The following XKR4 variants were observed in gnomAD, a reference collection of about 807,000 sequenced individuals.
The protein encoded by XKR4 is XK related 4.
XKR4 carries 12 observed loss-of-function variants against 53.9 expected under a neutral mutation model. The ratio of observed to expected loss-of-function variants is 0.22; its 90% confidence interval spans 0.14 to 0.36. XKR4 has a LOEUF of 0.36. XKR4 is among the 10% of genes least tolerant of loss of function. XKR4 has a pLI of 1.00. For synonymous variants in XKR4, 354 were observed against 362.4 expected (o/e 0.98, Z 0.26); for missense variants, 799 against 859.5 (o/e 0.93, Z 0.88).
At chr8:55,245,531 T>A (rs1563491956) in intron 1 of XKR4, among the ~76,000 whole-genome samples, 1 of 152,246 alleles carries the variant, frequency 6.6e-6, no homozygotes, top group Non-Finnish European at 1.5e-5. Context: ...TTTAGCTCAC[T>A]GATTGCATCG....
intron 1 of XKR4, among the ~76,000 whole-genome samples, chr8:55,149,026 G>A (rs551209315): frequency 6.6e-6 from 1 of 152,292 alleles, no homozygotes; most frequent in East Asian, 1.9e-4. Flanking sequence ...TGCTGCTCAG[G>A]AAACACATTT....
chr8:55,368,460 T>A (rs915784566), intron 2 of XKR4, among the ~76,000 whole-genome samples: 1 of 152,182 alleles, frequency 6.6e-6, no homozygotes, highest in African/African-American at 2.4e-5. Context: ...CCCTGGCTGC[T>A]GCCCCATCAA....
At chr8:55,480,368 C>G (rs1470846218) in intron 2 of XKR4, among the ~76,000 whole-genome samples, 1 of 152,192 alleles carries the variant, frequency 6.6e-6, no homozygotes, top group African/African-American at 2.4e-5. Context: ...ATGCTAAAAA[C>G]TCTCAATTAA....
At chr8:55,409,006 CAA>C (rs36030680) in intron 2 of XKR4, among the ~76,000 whole-genome samples, 32 of 65,698 alleles carry the variant, frequency 4.9e-4, no homozygotes, top group African/African-American at 1.0e-3. Flanking sequence ...GACTCCGTCT[CAA>C]AAAAAAAAAA....
intron 1 of XKR4, among the ~76,000 whole-genome samples, chr8:55,191,814 C>A (rs1313164443): frequency 6.6e-6 from 1 of 151,892 alleles, no homozygotes; most frequent in African/African-American, 2.4e-5. Context: ...AGAACATTCC[C>A]ACTTTTTGAC....
chr8:55,103,079 C>T lies in XKR4; in HGVS notation c.591C>T (p.Gly197=), dbSNP rs1467875311. 4 of 1,612,578 alleles carry T rather than the reference C, an allele frequency of 2.5e-6. No homozygotes were observed. Among genetic ancestry groups the T allele is most frequent in the African/African-American group, 2.7e-5 (2 of 74,890 alleles). Residue 197 remains glycine, a synonymous_variant, in exon 1 of 3, where the codon GGC becomes GGT. Transcript: ENST00000327381. Reference sequence around the variant, plus strand: ...GAGCCGATTGCAAGACGGTGGTCGGCGGTGGGTCTGCAGCCGGGGAAGGCG... The same window carrying T: ...GAGCCGATTGCAAGACGGTGGTCGGTGGTGGGTCTGCAGCCGGGGAAGGCG... ...QPGADCKTVV[G]GGSAAGEGEA...
At chr8:55,225,575 T>C (rs932191862) in intron 1 of XKR4, among the ~76,000 whole-genome samples, 18 of 152,222 alleles carry the variant, frequency 1.2e-4, no homozygotes, top group Admixed American at 1.2e-3. Context: ...GGTTTAACAG[T>C]GACCCACAAG....
At position 55,443,394 on chromosome 8, in the gene XKR4, AT is replaced by A. The variant is rs946584274; in HGVS notation, c.1007-79876del. 9.8e-3 allele frequency among the ~76,000 whole-genome samples: 1,445 copies of A among 147,128 alleles called. 23 individuals are homozygous for A. Among genetic ancestry groups the A allele is most frequent in the African/African-American group, 0.032 (1,274 of 40,372 alleles). ...TGATAAAATTCAACAACCATGAGTG[AT>A]TTTTTTTTTTAATTCCACAGCAAAG... On this transcript the variant is annotated intron_variant, in intron 2 of 2. Transcript: ENST00000327381.
intron 1 of XKR4, among the ~76,000 whole-genome samples, chr8:55,123,190 T>A (rs1312612397): frequency 1.3e-5 from 2 of 152,232 alleles, no homozygotes; most frequent in Non-Finnish European, 2.9e-5. Flanking sequence ...ATCCCCAGCA[T>A]GTGGTATGGT....
intron 1 of XKR4, among the ~76,000 whole-genome samples, chr8:55,193,769 C>T (rs543223472): frequency 1.3e-5 from 2 of 152,366 alleles, no homozygotes; most frequent in Admixed American, 1.3e-4. Context: ...TCCCCAGATC[C>T]CCTGCCACAG....
At chr8:55,349,432 C>T (rs377721976) in intron 1 of XKR4, among the ~76,000 whole-genome samples, 37 of 152,264 alleles carry the variant, frequency 2.4e-4, no homozygotes, top group African/African-American at 6.5e-4. Context: ...GCCCAGCTTC[C>T]ATCTCTCAGC....
chr8:55,300,315 G>T (rs1193456861), intron 1 of XKR4, among the ~76,000 whole-genome samples: 1 of 152,132 alleles, frequency 6.6e-6, no homozygotes, highest in Non-Finnish European at 1.5e-5. Flanking sequence ...ACAGATGCAG[G>T]AGCTGAATCT....
At chr8:55,220,569 G>A (rs149179027) in intron 1 of XKR4, among the ~76,000 whole-genome samples, 233 of 152,332 alleles carry the variant, frequency 1.5e-3, no homozygotes, top group African/African-American at 5.3e-3. Context: ...GGCTCTAGAG[G>A]AAGTGGGGCA....
Position 55,302,135 on chromosome 8 carries a change from C to T in XKR4, c.807-55543C>T, listed in dbSNP as rs1157925681. Among the ~76,000 whole-genome samples the T allele has an allele frequency of 3.4e-4, 52 of 152,176 alleles. 1 individual carries two copies. Among genetic ancestry groups the T allele is most frequent in the African/African-American group, 1.2e-3 (49 of 41,524 alleles). On this transcript the variant is annotated intron_variant, in intron 1 of 2. Transcript: ENST00000327381. ...AGGGTTTTTATGGTTTTAGGTCTAA[C>T]ATTTAAGTCTTTAATCCATCTTGAA...
intron 2 of XKR4, among the ~76,000 whole-genome samples, chr8:55,443,837 C>A (rs1330900891): frequency 5.1e-5 from 3 of 58,910 alleles, no homozygotes; most frequent in South Asian, 5.8e-4. Context: ...AAAACTCCGT[C>A]TCAAAAAAAA....
At position 55,534,436 on chromosome 8, in the gene XKR4, C is replaced by G. The variant is rs1807000739; in HGVS notation, c.*10209C>G. On this transcript the variant is annotated 3_prime_UTR_variant, in exon 3 of 3. Coordinates refer to ENST00000327381, the MANE Select transcript of XKR4 (RefSeq NM_052898.2). ...TCGCAGGGGCTGGAGTGCAGTGGCACAATCTCGGCTCACTGCAAGCTCTGC... is the reference window on the plus strand; with the variant it reads ...TCGCAGGGGCTGGAGTGCAGTGGCAGAATCTCGGCTCACTGCAAGCTCTGC... 8.1e-6 allele frequency: 1 copy of G among 123,304 alleles called. No individual in the cohort carries two copies. Among genetic ancestry groups the G allele is most frequent in the African/African-American group, 3.0e-5 (1 of 33,238 alleles). 7.6% of individuals were successfully genotyped at this position (123,304 alleles called of 1,614,324 possible).
At chr8:55,317,300 T>C (rs567535861) in intron 1 of XKR4, among the ~76,000 whole-genome samples, 1 of 152,324 alleles carries the variant, frequency 6.6e-6, no homozygotes, top group African/African-American at 2.4e-5. Flanking sequence ...GTTTTGCATC[T>C]AATGTCCCCG....
intron 2 of XKR4, among the ~76,000 whole-genome samples, chr8:55,482,491 A>G (rs986818760): frequency 1.3e-5 from 2 of 152,182 alleles, no homozygotes; most frequent in Non-Finnish European, 2.9e-5. Flanking sequence ...GCACATGTAT[A>G]CATATGTAAC....
chr8:55,368,264 C>T (rs986252677), intron 2 of XKR4, among the ~76,000 whole-genome samples: 1 of 152,152 alleles, frequency 6.6e-6, no homozygotes, highest in African/African-American at 2.4e-5. Flanking sequence ...CCACAATGAT[C>T]TTTCTATCAC....
Sources: gnomAD v4.1 joint callset for allele counts (sites outside exome capture counted in the v4.1 genomes callset) on GRCh38, gnomAD v4.1.1 for gene constraint, MANE v1.5 for transcripts, NCBI Gene and HGNC (gene_info 2026-07-23, HGNC 2026-07-21) for gene names.